NHSL3: variants seen among roughly 807,000 people sequenced by gnomAD.
The protein encoded by NHSL3 is NHS-like protein 3.
chr1:32,760,652 G>A, the NHSL3 span, among the ~76,000 whole-genome samples: 2 of 151,150 alleles, frequency 1.3e-5, no homozygotes, highest in Non-Finnish European at 2.9e-5. Flanking sequence ...GTGCAATGGC[G>A]TGGTCTTGGC....
chr1:32,761,485 C>T, the NHSL3 span, among the ~76,000 whole-genome samples: 1 of 152,258 alleles, frequency 6.6e-6, no homozygotes, highest in East Asian at 1.9e-4. Flanking sequence ...GATGTTCCTC[C>T]ACCCCCATCT....
the NHSL3 span, among the ~76,000 whole-genome samples, chr1:32,762,234 G>A: frequency 1.3e-5 from 2 of 152,138 alleles, no homozygotes; most frequent in Non-Finnish European, 2.9e-5. Flanking sequence ...GGCAGCAACT[G>A]GGGAAGGAAC....
At chr1:32,772,254 G>A in the NHSL3 span, 2 of 1,603,294 alleles carry the variant, frequency 1.2e-6, no homozygotes, top group Non-Finnish European at 1.7e-6. Flanking sequence ...CCCCACCTGT[G>A]GCCCGCAAGC....
chr1:32,750,227 G>A, the NHSL3 span, among the ~76,000 whole-genome samples: 1 of 152,090 alleles, frequency 6.6e-6, no homozygotes, highest in African/African-American at 2.4e-5. Flanking sequence ...CTCCCCCATC[G>A]TTAGTTATAC....
At chr1:32,763,532 C>G in the NHSL3 span, among the ~76,000 whole-genome samples, 1 of 152,116 alleles carries the variant, frequency 6.6e-6, no homozygotes, top group Non-Finnish European at 1.5e-5. Context: ...CCTCAGTATT[C>G]AAGTGTCAGT....
the NHSL3 span, among the ~76,000 whole-genome samples, chr1:32,758,124 C>T: frequency 1.3e-5 from 2 of 152,176 alleles, no homozygotes; most frequent in African/African-American, 4.8e-5. Flanking sequence ...TGGAAAGATA[C>T]TGTAACCTGC....
At chr1:32,746,385 A>AG in the NHSL3 span, among the ~76,000 whole-genome samples, 18 of 152,300 alleles carry the variant, frequency 1.2e-4, no homozygotes. Context: ...GCAGATAATC[A>AG]GGGGAGGCTT....
At chr1:32,772,061 G>T in the NHSL3 span, 1 of 1,610,468 alleles carries the variant, frequency 6.2e-7, no homozygotes, top group Non-Finnish European at 8.5e-7. Flanking sequence ...GCAGAGCCAC[G>T]GCCTCCCCAG....
chr1:32,756,370 C>T, the NHSL3 span, among the ~76,000 whole-genome samples: 17 of 147,636 alleles, frequency 1.2e-4, no homozygotes, highest in South Asian at 2.1e-4. Flanking sequence ...TGAGGTCAGG[C>T]GAGGTGGTTT....
the NHSL3 span, among the ~76,000 whole-genome samples, chr1:32,756,108 A>G: frequency 6.6e-6 from 1 of 152,184 alleles, no homozygotes; most frequent in African/African-American, 2.4e-5. Context: ...CTCAAGCTTT[A>G]AGGCGTTCTG....
At chr1:32,754,068 C>G in the NHSL3 span, 1 of 655,266 alleles carries the variant, frequency 1.5e-6, no homozygotes, top group South Asian at 1.6e-5. Flanking sequence ...CTTGGGTTCC[C>G]GCGCCGGCTC....
At chr1:32,751,673 A>G in the NHSL3 span, among the ~76,000 whole-genome samples, 2 of 152,110 alleles carry the variant, frequency 1.3e-5, no homozygotes, top group African/African-American at 4.8e-5. Context: ...GACTTCATGG[A>G]GGAGCAGCAT....
the NHSL3 span, among the ~76,000 whole-genome samples, chr1:32,766,964 G>A: frequency 6.6e-6 from 1 of 152,148 alleles, no homozygotes; most frequent in African/African-American, 2.4e-5. Context: ...AAGAGAGACT[G>A]GAGCTCCCTT....
At chr1:32,742,049 C>G in the NHSL3 span, 26 of 1,261,312 alleles carry the variant, frequency 2.1e-5, no homozygotes, top group Non-Finnish European at 2.6e-5. Context: ...TCCGGCGCGT[C>G]CGGCCTCCGC....
the NHSL3 span, among the ~76,000 whole-genome samples, chr1:32,765,989 C>A: frequency 6.6e-6 from 1 of 152,062 alleles, no homozygotes; most frequent in African/African-American, 2.4e-5. Context: ...TTTGTCCAGC[C>A]GCTTTGTTGC....
chr1:32,754,243 C>T, the NHSL3 span: 3 of 691,748 alleles, frequency 4.3e-6, no homozygotes, highest in East Asian at 2.8e-5. Flanking sequence ...TCGTCGCCAC[C>T]GCTGCTGCCC....
the NHSL3 span, among the ~76,000 whole-genome samples, chr1:32,751,492 G>A: frequency 6.6e-6 from 1 of 152,298 alleles, no homozygotes; most frequent in South Asian, 2.1e-4. Context: ...AACTGTTCTG[G>A]TTGGAAAGGC....
At chr1:32,774,835 TAC>T in the NHSL3 span, 1 of 152,460 alleles carries the variant, frequency 6.6e-6, no homozygotes, top group African/African-American at 2.4e-5. Context: ...AGTATATATA[TAC>T]ATATATATAT....
the NHSL3 span, among the ~76,000 whole-genome samples, chr1:32,763,696 C>T: frequency 3.9e-5 from 6 of 152,076 alleles, no homozygotes; most frequent in South Asian, 2.1e-4. Flanking sequence ...CTCAGCCTCC[C>T]GAGTAGCTGG....
Sources: allele counts gnomAD v4.1 joint callset (sites outside exome capture counted in the v4.1 genomes callset), GRCh38; gene constraint gnomAD v4.1.1; transcripts MANE v1.5; gene names NCBI Gene and HGNC (gene_info 2026-07-23, HGNC 2026-07-21).